The following SLC7A1 variants were observed in gnomAD, a reference collection of about 807,000 sequenced individuals.
The protein encoded by SLC7A1 is high affinity cationic amino acid transporter 1.
In SLC7A1, 10 loss-of-function variants were observed where a neutral mutation model predicts 53.9. That is an observed-to-expected ratio of 0.19 (90% CI 0.11 to 0.31). The LOEUF (loss-of-function observed/expected upper bound fraction) is 0.31, where lower values mean the gene tolerates loss of function less well. Among genes scored for constraint, SLC7A1 ranks in the 10% least tolerant of loss-of-function variants. SLC7A1 has a pLI of 1.00. For missense variants in SLC7A1, 525 were observed against 827.2 expected (o/e 0.63, Z 4.48); for synonymous variants, 342 against 338.7 (o/e 1.01, Z -0.11).
At chr13:29,583,568 G>A (rs1365396472) in intron 1 of SLC7A1, among the ~76,000 whole-genome samples, 1 of 152,122 alleles carries the variant, frequency 6.6e-6, no homozygotes, top group Non-Finnish European at 1.5e-5. Flanking sequence ...GACCACTCAT[G>A]GGCAACCAGG....
At chr13:29,539,012 TA>T (rs1869547415) in intron 2 of SLC7A1, among the ~76,000 whole-genome samples, 2 of 152,230 alleles carry the variant, frequency 1.3e-5, no homozygotes, top group South Asian at 2.1e-4. Flanking sequence ...ATTCTCTCCA[TA>T]AAACACTAAA....
intron 2 of SLC7A1, among the ~76,000 whole-genome samples, chr13:29,549,901 G>T (rs192003140): frequency 7.6e-4 from 115 of 152,224 alleles, no homozygotes; most frequent in East Asian, 3.9e-3. Context: ...GACCCCAAGT[G>T]ATCCACCCAC....
chr13:29,514,643 G>T, intron 12 of SLC7A1, 60 bp from the exon 13 acceptor site: 2 of 1,328,382 alleles, frequency 1.5e-6, no homozygotes, highest in Non-Finnish European at 2.1e-6. Context: ...CCGCAGGCAG[G>T]GCTCAGAGCC....
chr13:29,571,862 A>G (rs778357064), intron 1 of SLC7A1, among the ~76,000 whole-genome samples: 1 of 152,232 alleles, frequency 6.6e-6, no homozygotes. Context: ...ATGATTAAAG[A>G]ATCATTTCAA....
Position 29,530,606 on chromosome 13 carries a change from T to A in SLC7A1, c.636A>T (p.Gly212=). The part of the protein sequence containing the change: ...GFIMVSGFVK[G]SVKNWQLTEE... ...CCGTGAGCTGCCAGTTTTTAACCGA[T>A]CCTTTCACAAATCCTGACACCATTA... The change falls in exon 5 of 13, where the codon GGA becomes GGT. Residue 212 remains glycine, a synonymous_variant. Coordinates refer to ENST00000380752, the MANE Select transcript of SLC7A1 (RefSeq NM_003045.5). 6.2e-7 allele frequency: 1 copy of A among 1,614,118 alleles called. No homozygotes were observed. Among genetic ancestry groups the A allele is most frequent in the Non-Finnish European group, 8.5e-7 (1 of 1,180,018 alleles).
chr13:29,536,953 C>T (rs958381037), intron 2 of SLC7A1, among the ~76,000 whole-genome samples: 16 of 152,256 alleles, frequency 1.1e-4, no homozygotes, highest in African/African-American at 3.9e-4. Flanking sequence ...CCATCCCACC[C>T]TCACATGGGA....
chr13:29,594,409 G>A (rs1872223718), intron 1 of SLC7A1, among the ~76,000 whole-genome samples: 1 of 152,158 alleles, frequency 6.6e-6, no homozygotes, highest in African/African-American at 2.4e-5. Flanking sequence ...TTTTTTTCCT[G>A]AAGGCACATG....
intron 1 of SLC7A1, among the ~76,000 whole-genome samples, chr13:29,572,746 C>T (rs1025925989): frequency 5.3e-5 from 8 of 152,258 alleles, no homozygotes; most frequent in Middle Eastern, 6.8e-3. Flanking sequence ...AACATGGGCA[C>T]GAGCACTACA....
At chr13:29,585,446 A>T (rs777804861) in intron 1 of SLC7A1, among the ~76,000 whole-genome samples, 17 of 152,168 alleles carry the variant, frequency 1.1e-4, no homozygotes, top group Non-Finnish European at 2.4e-4. Flanking sequence ...AGATAGTAAA[A>T]ATGAGTACTG....
chr13:29,536,288 GT>G, intron 2 of SLC7A1, 86 bp from the exon 3 acceptor site: 1 of 1,306,208 alleles, frequency 7.7e-7, no homozygotes, highest in South Asian at 1.4e-5. Context: ...AACACAGACA[GT>G]GATCAGGTCC....
chr13:29,524,335 A>G (rs1868784311), intron 5 of SLC7A1, 82 bp from the exon 6 acceptor site: 4 of 1,563,424 alleles, frequency 2.6e-6, no homozygotes, highest in Non-Finnish European at 3.5e-6. Flanking sequence ...TCCTGATATG[A>G]GCGGAACCTG....
At position 29,514,535 on chromosome 13, in the gene SLC7A1, G is replaced by T; in HGVS notation, c.1835C>A (p.Ser612Tyr). Residue 612 changes from serine to tyrosine, a missense_variant, in exon 13 of 13, where the codon TCC becomes TAC. This residue lies in a region of SLC7A1 where 41 missense variants were observed against 61.3 expected (regional missense o/e 0.67). Coordinates refer to ENST00000380752, the MANE Select transcript of SLC7A1 (RefSeq NM_003045.5). ...GYGLWHSEEA[S>Y]LDADQARTPD... ...AGTCCTTGCTTGGTCGGCATCCAGG[G>T]ACGCCTCCTCGCTGTGCCACAGGCC... 6.2e-7 allele frequency: 1 copy of T among 1,611,442 alleles called. No individual in the cohort carries two copies. Among genetic ancestry groups the T allele is most frequent in the East Asian group, 2.2e-5 (1 of 44,868 alleles).
chr13:29,523,406 C>T lies in SLC7A1; in HGVS notation c.909G>A (p.Gly303=), dbSNP rs34374153. 1.0e-2 allele frequency: 16,137 copies of T among 1,613,782 alleles called. 1,267 individuals carry two copies. In the African/African-American group the frequency reaches 0.18, roughly 18 times the overall value. The change falls in exon 7 of 13, where the codon GGG becomes GGA. Residue 303 remains glycine, a synonymous_variant. Transcript: ENST00000380752. ...TCATGAGCGTGAGGGCAGCCGACAC[C>T]CCAAAGTAGGCGATGAAGCAGATCA... The part of the protein sequence containing the change: ...SLLICFIAYF[G]VSAALTLMMP...
chr13:29,565,293 T>C (rs1870920736), intron 1 of SLC7A1, among the ~76,000 whole-genome samples: 1 of 152,072 alleles, frequency 6.6e-6, no homozygotes, highest in African/African-American at 2.4e-5. Flanking sequence ...ATGAGTACAA[T>C]ACAAACAATA....
At chr13:29,529,862 C>CT (rs550868597) in intron 5 of SLC7A1, among the ~76,000 whole-genome samples, 4 of 152,094 alleles carry the variant, frequency 2.6e-5, no homozygotes, top group South Asian at 2.1e-4. Flanking sequence ...GACTGTTTGG[C>CT]TTTTTTTTCC....
intron 1 of SLC7A1, among the ~76,000 whole-genome samples, chr13:29,594,756 G>A (rs1872239289): frequency 6.6e-6 from 1 of 152,204 alleles, no homozygotes; most frequent in Non-Finnish European, 1.5e-5. Flanking sequence ...GCAATCTTGG[G>A]GACCCAGACG....
At position 29,509,767 on chromosome 13, in the gene SLC7A1, C is replaced by T. The variant is rs1883340101; in HGVS notation, c.*4713G>A. ...AATGTACATAATAAAAAACACACAA[C>T]TCTTAATAATGGCTCCATGTTCAGT... On this transcript the variant is annotated 3_prime_UTR_variant, in exon 13 of 13. Transcript: ENST00000380752. 6.6e-6 allele frequency: 1 copy of T among 152,436 alleles called. No individual in the cohort carries two copies. The highest frequency in any genetic ancestry group is 1.5e-5 in the Non-Finnish European group (1 of 68,028). The allele number at this position is 152,436 out of a possible 1,614,324, so 9.4% of individuals were successfully genotyped here.
intron 1 of SLC7A1, among the ~76,000 whole-genome samples, chr13:29,592,757 A>G (rs1872162278): frequency 1.3e-5 from 2 of 152,182 alleles, no homozygotes; most frequent in African/African-American, 4.8e-5. Flanking sequence ...AGAGAGGTCT[A>G]AACCCTGGGG....
chr13:29,535,145 C>T (rs1006147792), intron 3 of SLC7A1, among the ~76,000 whole-genome samples: 1 of 152,172 alleles, frequency 6.6e-6, no homozygotes, highest in African/African-American at 2.4e-5. Context: ...GGAAAAGAAT[C>T]ATGGCTAAGC....
Sources: allele counts gnomAD v4.1 joint callset (sites outside exome capture counted in the v4.1 genomes callset), GRCh38; gene constraint gnomAD v4.1.1; regional missense constraint gnomAD v4.1.1; transcripts MANE v1.5; gene names NCBI Gene and HGNC (gene_info 2026-07-23, HGNC 2026-07-21).